The following ARMC6 variants were observed in gnomAD, a reference collection of about 807,000 sequenced individuals.
ARMC6 encodes armadillo repeat-containing protein 6.
In ARMC6, 43 loss-of-function variants were observed where a neutral mutation model predicts 49.2. The ratio of observed to expected loss-of-function variants is 0.87; its 90% CI spans 0.69 to 1.13. The LOEUF (loss-of-function observed/expected upper bound fraction) is 1.13. ARMC6 is among the 50% of genes most tolerant of loss of function. ARMC6 has a pLI of 0.00. For synonymous variants in ARMC6, 262 were observed against 289.6 expected (o/e 0.90, Z 0.97); for missense variants, 627 against 682.0 (o/e 0.92, Z 0.90).
chr19:19,044,421 A>G (rs2059433140), intron 4 of ARMC6, among the ~76,000 whole-genome samples: 1 of 152,230 alleles, frequency 6.6e-6, no homozygotes, highest in Admixed American at 6.5e-5. Flanking sequence ...GTGGGCTCAC[A>G]GTAAGGCTGT....
chr19:19,044,495 C>A (rs534381318), intron 4 of ARMC6, among the ~76,000 whole-genome samples: 2 of 152,352 alleles, frequency 1.3e-5, no homozygotes, highest in Admixed American at 1.3e-4. Flanking sequence ...TGAAGCTCAC[C>A]AGTGAAGTAG....
chr19:19,057,211 T>G (rs1022497956), intron 8 of ARMC6, among the ~76,000 whole-genome samples: 44 of 152,350 alleles, frequency 2.9e-4, no homozygotes, highest in African/African-American at 7.0e-4. Flanking sequence ...TGAGCCTGTT[T>G]CCTTGCCTGG....
intron 6 of ARMC6, among the ~76,000 whole-genome samples, chr19:19,054,717 C>T (rs1242055266): frequency 3.9e-5 from 6 of 152,164 alleles, no homozygotes; most frequent in African/African-American, 1.4e-4. Context: ...CAACAGGTGC[C>T]TCCCTATCCA....
At position 19,044,049 on chromosome 19, in the gene ARMC6, A is replaced by G; in HGVS notation, c.254A>G (p.Gln85Arg). The change falls in exon 4 of 9, where the codon CAG becomes CGG. Residue 85 changes from glutamine to arginine, a missense_variant. Physicochemically the swap from Gln to Arg is conservative, Grantham distance 43 (BLOSUM62 1). Transcript: ENST00000535612. ...CCTAAAGTCTCTGCAGACGGATCCCAGGAGCCCACACATGACATCCTGCAG... is the reference window on the plus strand; with the variant it reads ...CCTAAAGTCTCTGCAGACGGATCCCGGGAGCCCACACATGACATCCTGCAG... The part of the protein sequence containing the change: ...TAPKVSADGS[Q>R]EPTHDILQML... 1.2e-6 allele frequency: 2 copies of G among 1,614,138 alleles called. No individual in the cohort carries two copies. The highest frequency in any genetic ancestry group is 1.7e-6 in the Non-Finnish European group (2 of 1,179,992).
chr19:19,055,618 C>T lies in ARMC6; in HGVS notation c.1156-173C>T, dbSNP rs976480221. Among the ~76,000 whole-genome samples the T allele has an allele frequency of 2.0e-5, 3 of 152,228 alleles. No homozygotes were observed. The highest frequency in any genetic ancestry group is 2.9e-5 in the Non-Finnish European group (2 of 68,038). ...ATCTGACCAGGCCTATTGCCCTTGT[C>T]ACCCCTAAGAGCTGAGCTGATATTT... On this transcript the variant is annotated intron_variant, in intron 7 of 8. Transcript: ENST00000535612. This position sits in a 1 kb window ranked among gnomAD's most constrained non-coding sequence, Gnocchi z 5.7.
intron 4 of ARMC6, among the ~76,000 whole-genome samples, chr19:19,050,923 C>T (rs754747954): frequency 3.3e-5 from 5 of 152,192 alleles, no homozygotes; most frequent in Non-Finnish European, 5.9e-5. Context: ...AGACATGTCC[C>T]GAGGTCATGT....
intron 2 of ARMC6, among the ~76,000 whole-genome samples, chr19:19,039,135 ATT>A (rs35418488): frequency 2.7e-5 from 4 of 150,630 alleles, no homozygotes; most frequent in East Asian, 2.0e-4. Flanking sequence ...TGATTTAGTA[ATT>A]TTTTTTTTTC....
rs1157612852 is a variant in ARMC6 at position 19,040,677 on chromosome 19, G to A, written c.30-2034G>A. ...GACTTTTTTTTTTTTTTGCAACATC[G>A]TCTGACTGTCAGCCAGGCTGGAGTG... On this transcript the variant is annotated intron_variant, in intron 2 of 8. Coordinates refer to ENST00000535612, the MANE Select transcript of ARMC6 (RefSeq NM_001199196.2). 4.5e-5 allele frequency: 14 copies of A among 310,102 alleles called. 1 individual carries two copies. Among genetic ancestry groups the A allele is most frequent in the South Asian group, 4.4e-5 (2 of 45,322 alleles). The allele number at this position is 310,102 out of a possible 1,614,324, so 19.2% of individuals were successfully genotyped here.
chr19:19,038,686 T>A (rs1177429114), intron 2 of ARMC6, among the ~76,000 whole-genome samples: 2 of 152,154 alleles, frequency 1.3e-5, no homozygotes, highest in African/African-American at 4.8e-5. Flanking sequence ...CAAGCCATTC[T>A]CCTGCCTCAG....
At chr19:19,048,725 A>G (rs2059471999) in intron 4 of ARMC6, among the ~76,000 whole-genome samples, 2 of 152,178 alleles carry the variant, frequency 1.3e-5, no homozygotes, top group African/African-American at 4.8e-5. Flanking sequence ...CTCCTGAATC[A>G]GGGAAAAGAC....
intron 4 of ARMC6, among the ~76,000 whole-genome samples, chr19:19,050,563 G>A (rs1033002801): frequency 7.9e-5 from 12 of 152,264 alleles, no homozygotes; most frequent in African/African-American, 2.9e-4. Context: ...GTGACATTGA[G>A]CATCTTTTCA....
In ARMC6 at chr19:19,051,818, T is replaced by C. The variant is rs2059499674; in HGVS notation, c.476T>C (p.Leu159Pro). The change falls in exon 5 of 9, where the codon CTC becomes CCC. Residue 159 changes from leucine to proline, a missense_variant. Transcript: ENST00000535612. Reference sequence around the variant, plus strand: ...GACCAGGGCCTTCTGCTCCAGTCCCTCAATGCCCTGTCGGTGCTGACTGAT... The same window carrying C: ...GACCAGGGCCTTCTGCTCCAGTCCCCCAATGCCCTGTCGGTGCTGACTGAT... ...AGDQGLLLQSLNALSVLTDGQ... is the reference protein window; with the variant it reads ...AGDQGLLLQSPNALSVLTDGQ... 1.2e-6 allele frequency: 2 copies of C among 1,613,924 alleles called. No individual in the cohort carries two copies. Among genetic ancestry groups the C allele is most frequent in the Non-Finnish European group, 1.7e-6 (2 of 1,180,004 alleles).
chr19:19,047,044 C>T (rs1267503892), intron 4 of ARMC6, among the ~76,000 whole-genome samples: 2 of 150,366 alleles, frequency 1.3e-5, no homozygotes, highest in African/African-American at 2.5e-5. Context: ...ACCTCCACCT[C>T]CCAGGTTCAA....
rs572606926 is a variant in ARMC6, at chr19:19,057,770, C to T, written c.*142C>T. 6.0e-5 allele frequency: 28 copies of T among 464,362 alleles called. No homozygotes were observed. The highest frequency in any genetic ancestry group is 4.2e-4 in the South Asian group (17 of 40,202). 28.8% of individuals were successfully genotyped at this position (464,362 alleles called of 1,614,324 possible). ...TTCTGGCAGGCCCTAGGTAAAGGGT[C>T]GGGGGAGGGGGGAGCCTTGTAGGGA... On this transcript the variant is annotated 3_prime_UTR_variant, in exon 9 of 9. Transcript: ENST00000535612.
chr19:19,037,801 G>A (rs539715028), intron 2 of ARMC6: 236 of 631,940 alleles, frequency 3.7e-4, no homozygotes, highest in Non-Finnish European at 4.8e-4. Flanking sequence ...CCAAAGGGAC[G>A]GTGGCAAATG....
intron 3 of ARMC6, among the ~76,000 whole-genome samples, 166 bp from the exon 4 acceptor site, chr19:19,043,826 A>C (rs2059428034): frequency 6.6e-6 from 1 of 151,512 alleles, no homozygotes; most frequent in Admixed American, 6.6e-5. Context: ...TACCCTCTAC[A>C]CCCCCGTGAT....
chr19:19,057,200 C>G (rs771758001), intron 8 of ARMC6, among the ~76,000 whole-genome samples: 1 of 152,258 alleles, frequency 6.6e-6, no homozygotes, highest in Non-Finnish European at 1.5e-5. Context: ...TGGAGCTTCC[C>G]TGAGCCTGTT....
chr19:19,040,864 C>A, intron 2 of ARMC6: 1 of 325,328 alleles, frequency 3.1e-6, no homozygotes, highest in Non-Finnish European at 6.4e-6. Flanking sequence ...TCACTTGTCT[C>A]ATCTGTAGCT....
intron 2 of ARMC6, among the ~76,000 whole-genome samples, chr19:19,041,032 C>T (rs1294074921): frequency 6.6e-6 from 1 of 152,034 alleles, no homozygotes; most frequent in East Asian, 1.9e-4. Context: ...CAGGGCCTCC[C>T]CATGTTGTCC....
Sources: gnomAD v4.1 joint callset for allele counts (sites outside exome capture counted in the v4.1 genomes callset) on GRCh38, gnomAD v4.1.1 for gene constraint, Gnocchi (gnomAD v3.1) non-coding constraint, MANE v1.5 for transcripts, NCBI Gene and HGNC (gene_info 2026-07-23, HGNC 2026-07-21) for gene names.